The following PTPRD variants were observed in gnomAD, a reference collection of about 807,000 sequenced individuals.
The protein encoded by PTPRD is protein tyrosine phosphatase receptor type D.
A neutral mutation model predicts 214.5 loss-of-function variants in PTPRD; 34 were observed. The ratio of observed to expected loss-of-function variants is 0.16; its 90% confidence interval spans 0.12 to 0.21. The LOEUF is 0.21. Among genes scored for constraint, PTPRD ranks in the 10% least tolerant of loss-of-function variants. The pLI is 1.00. For missense variants in PTPRD, 2,545 were observed against 2,398.7 expected (o/e 1.06, Z -1.27); for synonymous variants, 1,128 against 845.7 (o/e 1.33, Z -5.79).
intron 2 of PTPRD, among the ~76,000 whole-genome samples, chr9:10,561,455 G>A (rs1287322538): frequency 6.6e-6 from 1 of 152,032 alleles, no homozygotes; most frequent in Non-Finnish European, 1.5e-5. Context: ...TATACTGAAC[G>A]TGATTATATG....
chr9:10,091,247 T>C (rs1328574154), intron 3 of PTPRD, among the ~76,000 whole-genome samples: 1 of 151,538 alleles, frequency 6.6e-6, no homozygotes, highest in African/African-American at 2.4e-5. Context: ...TCTTCTTTCA[T>C]AAAATAATCA....
At chr9:10,004,320 C>A (rs1463427834) in intron 4 of PTPRD, among the ~76,000 whole-genome samples, 2 of 151,652 alleles carry the variant, frequency 1.3e-5, no homozygotes, top group Non-Finnish European at 2.9e-5. Context: ...AGGGAATTTG[C>A]CATGTGGAAA....
chr9:8,804,196 A>G (rs530584274), intron 11 of PTPRD, among the ~76,000 whole-genome samples: 30 of 152,012 alleles, frequency 2.0e-4, no homozygotes, highest in Non-Finnish European at 3.7e-4. Flanking sequence ...CAAGTGATCC[A>G]TCCGCCTCAG....
chr9:10,539,918 A>T (rs560521532), intron 2 of PTPRD, among the ~76,000 whole-genome samples: 132 of 152,302 alleles, frequency 8.7e-4, no homozygotes, highest in Non-Finnish European at 1.2e-3. Flanking sequence ...AACAATCATT[A>T]TTATCATTGT....
chr9:10,308,213 C>T (rs1451059620), intron 3 of PTPRD, among the ~76,000 whole-genome samples: 1 of 151,856 alleles, frequency 6.6e-6, no homozygotes, highest in East Asian at 1.9e-4. Flanking sequence ...CATTTAAGAC[C>T]TTAATCTATT....
chr9:9,978,974 TCA>T (rs1328899975), intron 4 of PTPRD, among the ~76,000 whole-genome samples: 1 of 152,072 alleles, frequency 6.6e-6, no homozygotes, highest in Non-Finnish European at 1.5e-5. Flanking sequence ...GCCAGAATAT[TCA>T]GTCACATCTT....
At chr9:10,347,907 A>C (rs2097115110) in intron 2 of PTPRD, among the ~76,000 whole-genome samples, 2 of 151,890 alleles carry the variant, frequency 1.3e-5, no homozygotes, top group African/African-American at 4.8e-5. Context: ...AAAATACAAA[A>C]ATTAGCCCAG....
At chr9:9,837,023 T>C (rs2056958051) in intron 5 of PTPRD, among the ~76,000 whole-genome samples, 1 of 152,078 alleles carries the variant, frequency 6.6e-6, no homozygotes, top group Admixed American at 6.6e-5. Context: ...TGAAAACTAA[T>C]TATATCCTTA....
chr9:9,821,786 G>A (rs2050827771), intron 5 of PTPRD, among the ~76,000 whole-genome samples: 2 of 151,646 alleles, frequency 1.3e-5, no homozygotes. Context: ...TAGATAATAA[G>A]CAGTAAAGCA....
At chr9:9,120,255 T>C (rs986438751) in intron 10 of PTPRD, among the ~76,000 whole-genome samples, 3 of 152,224 alleles carry the variant, frequency 2.0e-5, no homozygotes, top group African/African-American at 7.2e-5. Context: ...GTCATTTAAG[T>C]GCTTATTAAT....
chr9:8,566,748 G>A (rs532047066), intron 14 of PTPRD, among the ~76,000 whole-genome samples: 154 of 152,278 alleles, frequency 1.0e-3, no homozygotes, highest in African/African-American at 3.6e-3. Context: ...GAATTACCCA[G>A]AAACTATACA....
chr9:8,659,652 G>A (rs142118187), intron 12 of PTPRD, among the ~76,000 whole-genome samples: 230 of 152,326 alleles, frequency 1.5e-3, no homozygotes, highest in African/African-American at 4.7e-3. Context: ...GGGTACAGAA[G>A]TAATTGATTG....
chr9:9,595,792 G>C (rs1396717223), intron 7 of PTPRD, among the ~76,000 whole-genome samples: 5 of 151,762 alleles, frequency 3.3e-5, no homozygotes, highest in Non-Finnish European at 7.4e-5. Context: ...AGGACTCAGG[G>C]GGAAAGGGTG....
At chr9:9,840,044 T>A (rs1439423869) in intron 5 of PTPRD, among the ~76,000 whole-genome samples, 8 of 152,074 alleles carry the variant, frequency 5.3e-5, no homozygotes, top group Non-Finnish European at 1.2e-4. Flanking sequence ...TATTATTATT[T>A]ATTATTTTTC....
intron 39 of PTPRD, among the ~76,000 whole-genome samples, chr9:8,368,866 T>C (rs536623023): frequency 6.6e-6 from 1 of 152,258 alleles, no homozygotes; most frequent in Admixed American, 6.5e-5. Flanking sequence ...GAATCTGGCA[T>C]AATGGGTTCC....
At chr9:9,826,225 T>C (rs2052776861) in intron 5 of PTPRD, among the ~76,000 whole-genome samples, 1 of 151,838 alleles carries the variant, frequency 6.6e-6, no homozygotes, top group African/African-American at 2.4e-5. Flanking sequence ...GCTTCATCCA[T>C]CAGGTATATT....
intron 7 of PTPRD, among the ~76,000 whole-genome samples, chr9:9,581,243 T>C (rs749526345): frequency 2.0e-5 from 3 of 152,148 alleles, no homozygotes; most frequent in Non-Finnish European, 2.9e-5. Flanking sequence ...ATTGAACTTA[T>C]GCATTATTTA....
intron 5 of PTPRD, among the ~76,000 whole-genome samples, chr9:9,812,031 C>A (rs1056406277): frequency 6.6e-6 from 1 of 152,188 alleles, no homozygotes; most frequent in Non-Finnish European, 1.5e-5. Context: ...CAGCCATCAA[C>A]ATTGAGGCAA....
intron 7 of PTPRD, among the ~76,000 whole-genome samples, chr9:9,697,272 A>T (rs1436547720): frequency 6.6e-6 from 1 of 152,082 alleles, no homozygotes; most frequent in Non-Finnish European, 1.5e-5. Context: ...TTTACAAGTG[A>T]ACTTAATAAC....
Sources: gnomAD v4.1 joint callset for allele counts (sites outside exome capture counted in the v4.1 genomes callset) on GRCh38, gnomAD v4.1.1 for gene constraint, MANE v1.5 for transcripts, NCBI Gene and HGNC (gene_info 2026-07-23, HGNC 2026-07-21) for gene names.